Variants in HDX observed in about 807,000 individuals in gnomAD.
The protein encoded by HDX is highly divergent homeobox, also known as chromosome X open reading frame 43.
A neutral mutation model predicts 45.2 loss-of-function variants in HDX; 19 were observed. That is an observed-to-expected ratio of 0.42 (90% CI 0.29 to 0.62). The LOEUF is 0.62. Ranked by LOEUF, HDX falls within the 20% of genes least tolerant of loss-of-function variation. The pLI is 0.20. For missense variants in HDX, 532 were observed against 493.9 expected, an observed-to-expected ratio of 1.08 and a Z score of -0.73; for synonymous variants, 188 against 172.8, an observed-to-expected ratio of 1.09 and a Z score of -0.69.
intron 5 of HDX, among the ~76,000 whole-genome samples, chrX:84,430,012 C>G (rs890169432): frequency 9.7e-6 from 1 of 103,214 alleles, no homozygotes; most frequent in African/African-American, 3.4e-5. Context: ...ATATTTATCA[C>G]TTATTTGTTT....
At chrX:84,415,408 G>C (rs750365980) in intron 5 of HDX, among the ~76,000 whole-genome samples, 12 of 111,507 alleles carry the variant, frequency 1.1e-4, no homozygotes, top group Non-Finnish European at 2.3e-4. Context: ...ATTTGTTGTT[G>C]GTAATGGTAG....
chrX:84,417,214 A>AG (rs1387008836), intron 5 of HDX, among the ~76,000 whole-genome samples: 3 of 79,967 alleles, frequency 3.8e-5, no homozygotes, highest in Non-Finnish European at 4.9e-5. Context: ...AAAGAAAAAA[A>AG]AGAGAGAAAG....
intron 1 of HDX, among the ~76,000 whole-genome samples, chrX:84,498,139 G>A (rs1289994430): frequency 1.8e-5 from 2 of 111,303 alleles, no homozygotes; most frequent in African/African-American, 3.3e-5. Flanking sequence ...CACCTTTTGT[G>A]AAACAAAAGG....
chrX:84,500,584 T>TG (rs1269655098), intron 1 of HDX, among the ~76,000 whole-genome samples: 3 of 110,525 alleles, frequency 2.7e-5, no homozygotes, highest in Non-Finnish European at 5.7e-5. Context: ...CAGTAACACT[T>TG]GCATTAGATT....
chrX:84,391,312 T>C (rs186884842), intron 5 of HDX, among the ~76,000 whole-genome samples: 120 of 112,097 alleles, frequency 1.1e-3, no homozygotes, highest in Admixed American at 3.8e-3. Flanking sequence ...TAACATACCA[T>C]TGTGTATATA....
At chrX:84,404,322 C>G (rs902141187) in intron 5 of HDX, among the ~76,000 whole-genome samples, 2 of 111,377 alleles carry the variant, frequency 1.8e-5, no homozygotes, top group Non-Finnish European at 3.8e-5. Context: ...GCATTCCCCA[C>G]TGTTTTCTTA....
intron 5 of HDX, among the ~76,000 whole-genome samples, chrX:84,429,364 T>C (rs1158557913): frequency 2.7e-5 from 3 of 110,780 alleles, no homozygotes; most frequent in Admixed American, 9.6e-5. Context: ...TCACAAATAT[T>C]TTATAGTTTT....
At chrX:84,452,556 A>C (rs2040024764) in intron 4 of HDX, among the ~76,000 whole-genome samples, 1 of 110,015 alleles carries the variant, frequency 9.1e-6, no homozygotes, top group African/African-American at 3.3e-5. Context: ...AAAAAAAGTC[A>C]GCTGAAAGCA....
intron 5 of HDX, among the ~76,000 whole-genome samples, chrX:84,374,728 T>C (rs766311959): frequency 9.1e-6 from 1 of 109,486 alleles, no homozygotes; most frequent in South Asian, 3.9e-4. Flanking sequence ...CATTACACCT[T>C]ATACAAAAAC....
chrX:84,377,592 A>G (rs773006802), intron 5 of HDX, among the ~76,000 whole-genome samples: 4 of 111,604 alleles, frequency 3.6e-5, no homozygotes, highest in African/African-American at 9.8e-5. Context: ...AGAGCTCAAA[A>G]TGCAATTGAT....
chrX:84,331,337 T>C (rs1336368724), intron 9 of HDX, among the ~76,000 whole-genome samples: 3 of 111,909 alleles, frequency 2.7e-5, no homozygotes, highest in Non-Finnish European at 5.7e-5. Flanking sequence ...GTTTGCCACA[T>C]GAAATCTCAA....
chrX:84,455,162 C>A (rs1361624709), intron 4 of HDX, among the ~76,000 whole-genome samples: 1 of 111,667 alleles, frequency 9.0e-6, no homozygotes, highest in Non-Finnish European at 1.9e-5. Flanking sequence ...ATCCAATGCT[C>A]AGGCACAGAC....
chrX:84,351,122 T>A (rs2037347469), intron 6 of HDX, among the ~76,000 whole-genome samples: 1 of 109,971 alleles, frequency 9.1e-6, no homozygotes. Context: ...TCCATTGACA[T>A]CCAGTGGGGA....
intron 5 of HDX, among the ~76,000 whole-genome samples, chrX:84,379,504 T>C (rs1273830742): frequency 9.0e-6 from 1 of 111,051 alleles, no homozygotes; most frequent in Non-Finnish European, 1.9e-5. Flanking sequence ...CCTTAAAACA[T>C]TCAAAAAAAT....
intron 5 of HDX, among the ~76,000 whole-genome samples, chrX:84,375,844 T>G (rs1332124530): frequency 2.7e-5 from 3 of 111,077 alleles, no homozygotes; most frequent in Non-Finnish European, 5.7e-5. Context: ...TGTATACATA[T>G]GTAGCTAACC....
chrX:84,367,306 A>T (rs2037782688), intron 5 of HDX, among the ~76,000 whole-genome samples: 1 of 112,443 alleles, frequency 8.9e-6, no homozygotes, highest in Non-Finnish European at 1.9e-5. Context: ...ATAAGATACC[A>T]TCTCACACCA....
intron 5 of HDX, among the ~76,000 whole-genome samples, chrX:84,435,886 T>G (rs2039617391): frequency 1.2e-5 from 1 of 83,482 alleles, no homozygotes; most frequent in African/African-American, 4.5e-5. Context: ...CTCAGGGATC[T>G]AGAACTAGAA....
At chrX:84,474,581 T>A (rs770009312) in intron 3 of HDX, among the ~76,000 whole-genome samples, 2 of 111,708 alleles carry the variant, frequency 1.8e-5, no homozygotes, top group Non-Finnish European at 3.8e-5. Context: ...CTAAGAGGAT[T>A]TGTAACATTT....
chrX:84,328,479 C>G (rs1307100259), intron 9 of HDX, among the ~76,000 whole-genome samples: 4 of 111,665 alleles, frequency 3.6e-5, no homozygotes, highest in African/African-American at 1.3e-4. Flanking sequence ...AACCATACAT[C>G]TGACAAAGGA....
Sources: gnomAD v4.1 joint callset for allele counts (sites outside exome capture counted in the v4.1 genomes callset) on GRCh38, gnomAD v4.1.1 for gene constraint, MANE v1.5 for transcripts, NCBI Gene and HGNC (gene_info 2026-07-23, HGNC 2026-07-21) for gene names.